MACROD1: variants seen among roughly 807,000 people sequenced by gnomAD.
The protein encoded by MACROD1 is ADP-ribose glycohydrolase MACROD1.
In MACROD1, 31 loss-of-function variants were observed where a neutral mutation model predicts 41.4. The ratio of observed to expected loss-of-function variants is 0.75; its 90% CI spans 0.56 to 1.01. The LOEUF is 1.01. Ranked by LOEUF, MACROD1 falls within the 50% of genes least tolerant of loss-of-function variation. MACROD1 has a pLI of 0.00. For missense variants in MACROD1, 473 were observed against 460.0 expected (o/e 1.03, Z -0.26); for synonymous variants, 252 against 203.4 (o/e 1.24, Z -2.03).
intron 3 of MACROD1, among the ~76,000 whole-genome samples, chr11:64,148,483 C>T (rs1945527858): frequency 6.6e-6 from 1 of 152,200 alleles, no homozygotes; most frequent in Non-Finnish European, 1.5e-5. Flanking sequence ...CCACTGACGC[C>T]CGCGGGGCCA....
chr11:64,074,038 C>T (rs1262864742), intron 3 of MACROD1, among the ~76,000 whole-genome samples: 1 of 152,172 alleles, frequency 6.6e-6, no homozygotes, highest in Non-Finnish European at 1.5e-5. Flanking sequence ...TGCTCCAGGG[C>T]CACTGTCAGC....
rs61724501 is a variant in MACROD1 at position 64,114,055 on chromosome 11, CATGGATGG to C, written c.517+37176_517+37183del. 7.3e-4 allele frequency among the ~76,000 whole-genome samples: 72 copies of C among 98,116 alleles called. No individual in the cohort carries two copies. In the Middle Eastern group the frequency reaches 0.034, roughly 46 times the overall value. The allele number at this position is 98,116 out of a possible 152,430, so 64.4% of individuals were successfully genotyped here. A position where few individuals can be genotyped will look rare whatever the true frequency, so the allele number is the denominator to read the frequency against. ...GGACAGGTGGATGCATGGGTTGATG[CATGGATGG>C]ATGGATGGATGGATGGATGGATGGA... On this transcript the variant is annotated intron_variant, in intron 3 of 10. Coordinates refer to ENST00000255681, the MANE Select transcript of MACROD1 (RefSeq NM_014067.4).
In MACROD1 at chr11:64,122,286, C is replaced by T. The variant is rs1037819949; in HGVS notation, c.517+28953G>A. On this transcript the variant is annotated intron_variant, in intron 3 of 10. Coordinates refer to ENST00000255681, the MANE Select transcript of MACROD1 (RefSeq NM_014067.4). The surrounding 1 kb of genome is among the most constrained non-coding windows in gnomAD (Gnocchi z 4.0). ...CTCCACGCTAACATGGTGCATGCGG[C>T]GGCCAGGGGCCTCCCTGACACAGGG... Among the ~76,000 whole-genome samples, 7 of 152,212 alleles carry T rather than the reference C, an allele frequency of 4.6e-5. No homozygotes were observed. The highest frequency in any genetic ancestry group is 3.8e-4 in the East Asian group (2 of 5,196).
At chr11:64,068,914 G>A (rs561582335) in intron 3 of MACROD1, among the ~76,000 whole-genome samples, 3 of 152,376 alleles carry the variant, frequency 2.0e-5, no homozygotes, top group South Asian at 4.1e-4. Flanking sequence ...ATGGGCATCC[G>A]TGTGAACCCC....
chr11:64,121,361 C>T (rs1945095806), intron 3 of MACROD1, among the ~76,000 whole-genome samples: 2 of 152,248 alleles, frequency 1.3e-5, no homozygotes, highest in Non-Finnish European at 2.9e-5. Context: ...CACTGGCGCT[C>T]TAAGTGTGGA....
At chr11:64,136,109 G>A (rs377070869) in intron 3 of MACROD1, among the ~76,000 whole-genome samples, 25 of 152,356 alleles carry the variant, frequency 1.6e-4, no homozygotes, top group African/African-American at 5.5e-4. Context: ...CCATGACCTC[G>A]ATGGCAGAGT....
chr11:64,095,893 G>A (rs1944567384), intron 3 of MACROD1, among the ~76,000 whole-genome samples: 1 of 152,200 alleles, frequency 6.6e-6, no homozygotes. Flanking sequence ...AGCCGAGGGA[G>A]GGAGCTGACT....
chr11:64,138,399 G>A (rs777022173), intron 3 of MACROD1: 2 of 603,510 alleles, frequency 3.3e-6, no homozygotes, highest in Non-Finnish European at 4.2e-6. Context: ...TTTGACAATT[G>A]AAGCTGCAAA....
intron 3 of MACROD1, chr11:64,117,465 G>T: frequency 6.2e-7 from 1 of 1,612,930 alleles, no homozygotes; most frequent in Non-Finnish European, 8.5e-7. Flanking sequence ...CAGCAACCAC[G>T]CCTCTGCCAC....
At chr11:64,121,748 G>A (rs1220047242) in intron 3 of MACROD1, among the ~76,000 whole-genome samples, 2 of 152,188 alleles carry the variant, frequency 1.3e-5, no homozygotes, top group Non-Finnish European at 2.9e-5. Context: ...CCAAGGGAAC[G>A]TCCGCGGCTG....
At chr11:64,071,021 G>A (rs767128884) in intron 3 of MACROD1, among the ~76,000 whole-genome samples, 20 of 152,090 alleles carry the variant, frequency 1.3e-4, no homozygotes, top group Non-Finnish European at 2.8e-4. Context: ...TTCACAGAGC[G>A]GCCATACTCA....
At position 63,999,761 on chromosome 11, in the gene MACROD1, C is replaced by T. The variant is rs769902795; in HGVS notation, c.667G>A (p.Val223Ile). ...TGGYRLPAKY[V>I]IHTVGPIAYG... ...GCGATGGGCCCCACTGTGTGGATGA[C>T]GTCTACGGGGGGCGACGGGGTCAGA... is the stretch of plus-strand genomic sequence containing the variant. The change falls in exon 6 of 11, where the codon GTC (valine) becomes ATC (isoleucine). Residue 223 changes from valine to isoleucine, a missense_variant and splice_region_variant. Val to Ile is a conservative substitution (Grantham distance 29, BLOSUM62 3). Transcript: ENST00000255681. 1.0e-5 allele frequency: 16 copies of T among 1,605,746 alleles called. No individual in the cohort carries two copies. Among genetic ancestry groups the T allele is most frequent in the African/African-American group, 1.3e-5 (1 of 74,852 alleles).
At chr11:64,030,023 G>C (rs568364572) in intron 3 of MACROD1, among the ~76,000 whole-genome samples, 54 of 152,202 alleles carry the variant, frequency 3.5e-4, no homozygotes, top group Non-Finnish European at 6.2e-4. Context: ...GCTGGGGCTG[G>C]GGGCTGACCA....
intron 3 of MACROD1, among the ~76,000 whole-genome samples, chr11:64,066,142 C>A (rs950226372): frequency 6.6e-6 from 1 of 151,434 alleles, no homozygotes; most frequent in Non-Finnish European, 1.5e-5. Flanking sequence ...ACTAAAAATA[C>A]AAGAATTAGC....
chr11:64,125,647 C>T (rs1441509220), intron 3 of MACROD1, among the ~76,000 whole-genome samples: 3 of 152,348 alleles, frequency 2.0e-5, no homozygotes, highest in South Asian at 2.1e-4. Context: ...TGCCTTGGAT[C>T]CACGTGTTGC....
chr11:64,164,339 G>A (rs949700161), intron 1 of MACROD1, among the ~76,000 whole-genome samples: 3 of 152,246 alleles, frequency 2.0e-5, no homozygotes, highest in Non-Finnish European at 4.4e-5. Context: ...CAAGGAGTGG[G>A]GCTGTGGGGG....
chr11:64,079,527 CA>C (rs1296931247), intron 3 of MACROD1, among the ~76,000 whole-genome samples: 1 of 152,116 alleles, frequency 6.6e-6, no homozygotes, highest in African/African-American at 2.4e-5. Flanking sequence ...CCAGCAAATG[CA>C]AAGGCTTGGA....
intron 3 of MACROD1, among the ~76,000 whole-genome samples, chr11:64,044,622 T>C (rs112982026): frequency 0.011 from 1,673 of 152,256 alleles, 33 homozygotes; most frequent in African/African-American, 0.038. Context: ...CAAAGTCACT[T>C]GCCCAAGGTC....
chr11:64,133,556 G>T (rs1945294563), intron 3 of MACROD1, among the ~76,000 whole-genome samples: 1 of 152,198 alleles, frequency 6.6e-6, no homozygotes, highest in South Asian at 2.1e-4. Context: ...CGGAAGCACT[G>T]GACACAGGTA....
Sources: allele counts gnomAD v4.1 joint callset (sites outside exome capture counted in the v4.1 genomes callset), GRCh38; gene constraint gnomAD v4.1.1; non-coding constraint Gnocchi (gnomAD v3.1); transcripts MANE v1.5; gene names NCBI Gene and HGNC (gene_info 2026-07-23, HGNC 2026-07-21).